ALDH5A1: variants seen among roughly 807,000 people sequenced by gnomAD.
ALDH5A1 encodes aldehyde dehydrogenase 5 family member A1, also known as succinate-semialdehyde dehydrogenase, mitochondrial.
Under a neutral mutation model 54.7 loss-of-function variants are expected in ALDH5A1, and 33 were observed. The ratio of observed to expected loss-of-function variants is 0.60; its 90% CI spans 0.46 to 0.81. The LOEUF (loss-of-function observed/expected upper bound fraction) is 0.81. Ranked by LOEUF, ALDH5A1 falls within the 30% of genes least tolerant of loss-of-function variation. The pLI, the probability that ALDH5A1 is intolerant of heterozygous loss-of-function variation, is 0.00. For synonymous variants in ALDH5A1, 294 were observed against 292.7 expected (o/e 1.00, Z -0.05); for missense variants, 657 against 711.0 (o/e 0.92, Z 0.86).
intron 1 of ALDH5A1, among the ~76,000 whole-genome samples, chr6:24,499,123 A>G (rs545082969): frequency 2.4e-4 from 37 of 151,564 alleles, no homozygotes; most frequent in African/African-American, 8.9e-4. Context: ...AAAAAAAGAA[A>G]AAATACAAAA....
At chr6:24,502,496 T>C in intron 1 of ALDH5A1, 27 bp from the exon 2 acceptor site, 1 of 1,542,300 alleles carries the variant, frequency 6.5e-7, no homozygotes, top group Non-Finnish European at 9.0e-7. Flanking sequence ...ATTTTATTAC[T>C]TTTCTGCCTT....
chr6:24,514,250 A>T (rs1213164139), intron 4 of ALDH5A1, among the ~76,000 whole-genome samples: 1 of 152,034 alleles, frequency 6.6e-6, no homozygotes, highest in African/African-American at 2.4e-5. Context: ...CTGGGAAATC[A>T]CCTATGGAAA....
In ALDH5A1 at chr6:24,495,279, G is replaced by A. The variant is rs1764673181; in HGVS notation, c.283G>A (p.Val95Met). 1 of 1,532,622 alleles carries A rather than the reference G, an allele frequency of 6.5e-7. No individual in the cohort carries two copies. The highest frequency in any genetic ancestry group is 2.5e-5 in the East Asian group (1 of 40,784). 94.9% of individuals were successfully genotyped at this position (1,532,622 alleles called of 1,614,324 possible). ...TCTGGGCATGGTAGCCGACTGCGGG[G>A]TGCGAGAGGCCCGCGCCGCCGTGCG... Reference protein sequence around the residue: ...AALGMVADCGVREARAAVRAA... With the variant: ...AALGMVADCGMREARAAVRAA... The change falls in exon 1 of 10, where the codon GTG (valine) becomes ATG (methionine). Residue 95 changes from valine to methionine, a missense_variant. By Grantham distance (21) the Val-to-Met change is conservative. Transcript: ENST00000357578.
In ALDH5A1 at chr6:24,528,126, A is replaced by C; in HGVS notation, c.1303A>C (p.Thr435Pro). The C allele has an allele frequency of 6.2e-7, 1 of 1,614,004 alleles. No homozygotes were observed. Among genetic ancestry groups the C allele is most frequent in the South Asian group, 1.1e-5 (1 of 91,074 alleles). The change falls in exon 8 of 10, where the codon ACT (threonine) becomes CCT (proline). Residue 435 changes from threonine (T) to proline (P), a missense_variant. Physicochemically the swap from Thr to Pro is conservative, Grantham distance 38. This residue lies in a region of ALDH5A1 where 425 missense variants were observed against 516.4 expected (regional missense o/e 0.82). Coordinates refer to ENST00000357578, the MANE Select transcript of ALDH5A1 (RefSeq NM_001080.3). ...CAATGTCACCCAGGACATGCTGTGCACTCATGAAGAGACTTTCGGGCCTCT... is the reference window on the plus strand; with the variant it reads ...CAATGTCACCCAGGACATGCTGTGCCCTCATGAAGAGACTTTCGGGCCTCT... ...LCNVTQDMLC[T>P]HEETFGPLAP... is the part of the protein sequence containing the mutation.
chr6:24,500,460 A>G (rs1764797593), intron 1 of ALDH5A1, among the ~76,000 whole-genome samples: 1 of 152,048 alleles, frequency 6.6e-6, no homozygotes, highest in Non-Finnish European at 1.5e-5. Context: ...AATATGAGGT[A>G]CCTAGAGTTG....
At chr6:24,528,565 T>C (rs1759867149) in intron 8 of ALDH5A1, among the ~76,000 whole-genome samples, 2 of 152,118 alleles carry the variant, frequency 1.3e-5, no homozygotes, top group Non-Finnish European at 2.9e-5. Context: ...GGTTTCACCA[T>C]GTTGGCCAGG....
chr6:24,532,869 C>T (rs188913943), intron 9 of ALDH5A1, among the ~76,000 whole-genome samples: 2 of 152,186 alleles, frequency 1.3e-5, no homozygotes, highest in East Asian at 3.9e-4. Flanking sequence ...AAGATGTGTG[C>T]ACAAGGACGT....
Position 24,518,812 on chromosome 6 carries a change from T to C in ALDH5A1, c.871-1589T>C, listed in dbSNP as rs1224534490. On this transcript the variant is annotated intron_variant, in intron 5 of 9. Coordinates refer to ENST00000357578, the MANE Select transcript of ALDH5A1 (RefSeq NM_001080.3). This position sits in a 1 kb window ranked among gnomAD's most constrained non-coding sequence, Gnocchi z 4.2. Reference sequence around the variant, plus strand: ...CTCATGACCTCAGAATGTACAACACTTGGGGGGCAATCCTAGAGCCACCTT... The same window carrying C: ...CTCATGACCTCAGAATGTACAACACCTGGGGGGCAATCCTAGAGCCACCTT... 6.6e-6 allele frequency among the ~76,000 whole-genome samples: 1 copy of C among 152,138 alleles called. No individual in the cohort carries two copies. The highest frequency in any genetic ancestry group is 1.5e-5 in the Non-Finnish European group (1 of 68,032).
intron 1 of ALDH5A1, among the ~76,000 whole-genome samples, chr6:24,498,960 C>T (rs767097176): frequency 7.2e-5 from 11 of 152,018 alleles, no homozygotes; most frequent in East Asian, 5.8e-4. Context: ...ATCAGCTGGG[C>T]GTGGTGGTGG....
Position 24,510,357 on chromosome 6 carries a change from T to C in ALDH5A1, c.727-4810T>C, listed in dbSNP as rs974680411. Among the ~76,000 whole-genome samples, 4 of 152,190 alleles carry C rather than the reference T, an allele frequency of 2.6e-5. No individual in the cohort carries two copies. The East Asian group carries it at 5.8e-4, about 22-fold the overall frequency. On this transcript the variant is annotated intron_variant, in intron 4 of 9. Transcript: ENST00000357578. ...GTAGTTTAAATCTAGTGTTTCTTTG[T>C]TAACTTTCTGTCTTGATGACCTGTC...
chr6:24,513,242 T>C (rs192215569), intron 4 of ALDH5A1, among the ~76,000 whole-genome samples: 2 of 152,140 alleles, frequency 1.3e-5, no homozygotes, highest in African/African-American at 4.8e-5. Flanking sequence ...TTTTTTATTT[T>C]TTCGTAGAGA....
chr6:24,526,930 C>CTATA (rs1183856865), intron 7 of ALDH5A1, among the ~76,000 whole-genome samples: 2,165 of 100,084 alleles, frequency 0.022, 71 homozygotes, highest in African/African-American at 0.069. Context: ...TATATATCTA[C>CTATA]TATATATTCT....
intron 4 of ALDH5A1, among the ~76,000 whole-genome samples, chr6:24,510,589 TAA>T (rs772019772): frequency 6.6e-6 from 1 of 152,236 alleles, no homozygotes; most frequent in Non-Finnish European, 1.5e-5. Context: ...GCTGTTGCTT[TAA>T]AGTTTGTTTT....
At chr6:24,522,109 G>C (rs1389581976) in intron 6 of ALDH5A1, among the ~76,000 whole-genome samples, 3 of 152,012 alleles carry the variant, frequency 2.0e-5, no homozygotes, top group Non-Finnish European at 2.9e-5. Flanking sequence ...GCCTCCCAAA[G>C]TGCTGGGGTT....
At chr6:24,522,970 A>T (rs1280365312) in intron 7 of ALDH5A1, 45 bp downstream of exon 7, 2 of 1,480,234 alleles carry the variant, frequency 1.4e-6, no homozygotes, top group South Asian at 2.3e-5. Context: ...CATGGTTTCA[A>T]TATGAAAAGC....
In ALDH5A1 at chr6:24,528,040, T is replaced by C. The variant is rs773955740; in HGVS notation, c.1217T>C (p.Val406Ala). The C allele has an allele frequency of 1.2e-6, 2 of 1,614,130 alleles. No homozygotes were observed. Among genetic ancestry groups the C allele is most frequent in the Non-Finnish European group, 8.5e-7 (1 of 1,179,992 alleles). Residue 406 changes from valine (V) to alanine (A), a missense_variant, in exon 8 of 10, where the codon GTT becomes GCT. This residue lies in a region of ALDH5A1 where 425 missense variants were observed against 516.4 expected (regional missense o/e 0.82). Transcript: ENST00000357578. ...VNDAVSKGAT[V>A]VTGGKRHQLG... ...GATGCCGTTTCTAAAGGTGCCACCG[T>C]TGTGACAGGTGGAAAACGACACCAA...
At chr6:24,498,571 C>T (rs1764756118) in intron 1 of ALDH5A1, among the ~76,000 whole-genome samples, 2 of 152,206 alleles carry the variant, frequency 1.3e-5, no homozygotes, top group African/African-American at 4.8e-5. Flanking sequence ...GTTCAGATCA[C>T]ACCGCCCATC....
rs1460786331 is a variant in ALDH5A1, at chr6:24,535,473, T to C, written c.*1761T>C. 3 of 152,306 alleles carry C rather than the reference T, an allele frequency of 2.0e-5. No homozygotes were observed. The East Asian group carries it at 5.8e-4, about 29-fold the overall frequency. The allele number at this position is 152,306 out of a possible 1,614,324, so 9.4% of individuals were successfully genotyped here. A position where few individuals can be genotyped will look rare whatever the true frequency, so the allele number is the denominator to read the frequency against. ...AGTTTTTAGGTGGTTTTATATAACA[T>C]TTTAATTACTTGTGATTTAGATGTA... On this transcript the variant is annotated 3_prime_UTR_variant, in exon 10 of 10. Coordinates refer to ENST00000357578, the MANE Select transcript of ALDH5A1 (RefSeq NM_001080.3).
rs957100543 is a variant in ALDH5A1, at chr6:24,518,359, G to T, written c.871-2042G>T. Among the ~76,000 whole-genome samples, 24 of 152,270 alleles carry T rather than the reference G, an allele frequency of 1.6e-4. No homozygotes were observed. Among genetic ancestry groups the T allele is most frequent in the African/African-American group, 5.1e-4 (21 of 41,550 alleles). The stretch of plus-strand genomic sequence containing the variant: ...GTTTACACTATACCCAGTGGCCAGG[G>T]CAAGCCGCCTTCCTGGAGAAGCAGA... On this transcript the variant is annotated intron_variant, in intron 5 of 9. Transcript: ENST00000357578. The surrounding 1 kb of genome is among the most constrained non-coding windows in gnomAD (Gnocchi z 4.2).
Sources: allele counts gnomAD v4.1 joint callset (sites outside exome capture counted in the v4.1 genomes callset), GRCh38; gene constraint gnomAD v4.1.1; regional missense constraint gnomAD v4.1.1; non-coding constraint Gnocchi (gnomAD v3.1); transcripts MANE v1.5; gene names NCBI Gene and HGNC (gene_info 2026-07-23, HGNC 2026-07-21).